The following PLSCR2 variants were observed in gnomAD, a reference collection of about 807,000 sequenced individuals.
The protein encoded by PLSCR2 is PL scramblase 2.
In PLSCR2, 18 loss-of-function variants were observed where a neutral mutation model predicts 25.3. The ratio of observed to expected loss-of-function variants is 0.71; its 90% CI spans 0.49 to 1.06. PLSCR2 has a LOEUF of 1.06. PLSCR2 is among the 50% of genes least tolerant of loss of function. The probability of loss-of-function intolerance (pLI) is 0.00; values close to 1 mark genes in which losing one functional copy is unlikely to be tolerated. For missense variants in PLSCR2, 243 were observed against 269.5 expected, an observed-to-expected ratio of 0.90 and a Z score of 0.69; for synonymous variants, 88 against 87.3, an observed-to-expected ratio of 1.01 and a Z score of -0.04.
rs184691570 is a variant in PLSCR2 at position 146,435,715 on chromosome 3, T to G, written c.*35-2198A>C. ...AGATTGTAAAAATTTTCTCCCATTT[T>G]GTAGGTTGCCTGTTCACTCTGATGG... On this transcript the variant is annotated intron_variant, in intron 8 of 8. Transcript: ENST00000336685. Among the ~76,000 whole-genome samples the G allele has an allele frequency of 5.3e-5, 8 of 152,352 alleles. No homozygotes were observed. The East Asian group carries it at 1.5e-3, about 29-fold the overall frequency.
At chr3:146,490,090 A>G (rs1318687107) in intron 1 of PLSCR2, among the ~76,000 whole-genome samples, 1 of 152,060 alleles carries the variant, frequency 6.6e-6, no homozygotes, top group Non-Finnish European at 1.5e-5. Flanking sequence ...TTTGAGAATG[A>G]TCCATCTGGG....
chr3:146,419,139 T>C (rs999451162), intron 2 of PLSCR2, among the ~76,000 whole-genome samples: 4 of 152,100 alleles, frequency 2.6e-5, no homozygotes, highest in Non-Finnish European at 5.9e-5. Flanking sequence ...ATCTCCCACA[T>C]TGTGCTATAA....
chr3:146,396,650 T>G (rs908835755), intron 2 of PLSCR2, among the ~76,000 whole-genome samples: 1 of 152,060 alleles, frequency 6.6e-6, no homozygotes, highest in Non-Finnish European at 1.5e-5. Context: ...CCAGAGAAAG[T>G]TAACATGTGA....
intron 2 of PLSCR2, among the ~76,000 whole-genome samples, chr3:146,426,203 T>TTCCTTCCCTCCCTCCTTCCCTCCC (rs368334941): frequency 1.3e-4 from 16 of 127,524 alleles, no homozygotes; most frequent in Middle Eastern, 3.6e-3. Flanking sequence ...CCTTCCCTCC[T>TTCCTTCCCTCCCTCCTTCCCTCCC]TCCTTCCCTC....
intron 2 of PLSCR2, among the ~76,000 whole-genome samples, chr3:146,405,402 T>G (rs974358754): frequency 6.6e-6 from 1 of 152,116 alleles, no homozygotes; most frequent in Admixed American, 6.5e-5. Flanking sequence ...TTGCACAAGT[T>G]AAGTCCTTGA....
intron 1 of PLSCR2, among the ~76,000 whole-genome samples, chr3:146,484,665 A>G (rs924041034): frequency 2.6e-5 from 4 of 152,110 alleles, no homozygotes; most frequent in Admixed American, 1.3e-4. Context: ...AATTTCCAAC[A>G]CAGAATTTTA....
At chr3:146,406,935 C>A (rs1368240789) in intron 2 of PLSCR2, among the ~76,000 whole-genome samples, 1 of 152,120 alleles carries the variant, frequency 6.6e-6, no homozygotes, top group Non-Finnish European at 1.5e-5. Flanking sequence ...GTTGGGGAGA[C>A]TGTAGGTACT....
chr3:146,442,525 A>C (rs866669718), intron 6 of PLSCR2, among the ~76,000 whole-genome samples: 1 of 152,114 alleles, frequency 6.6e-6, no homozygotes. Context: ...AAGAGAAACA[A>C]AGCTGGAGGC....
At chr3:146,483,460 T>C (rs2043214635) in intron 1 of PLSCR2, among the ~76,000 whole-genome samples, 2 of 58,692 alleles carry the variant, frequency 3.4e-5, no homozygotes, top group African/African-American at 1.6e-4. Flanking sequence ...TATGTATATA[T>C]ATATATATAT....
At chr3:146,391,480 G>T (rs1228987194) in exon 4 of PLSCR2, 1 of 152,504 alleles carries the variant, frequency 6.6e-6, no homozygotes, top group East Asian at 1.9e-4. Flanking sequence ...TTTTGTTGAG[G>T]GCTGGCAAAA....
intron 2 of PLSCR2, among the ~76,000 whole-genome samples, chr3:146,425,133 A>G (rs999387905): frequency 4.6e-5 from 7 of 152,130 alleles, no homozygotes; most frequent in African/African-American, 1.7e-4. Flanking sequence ...TAGTTAAGAT[A>G]GAAAAGACGT....
At chr3:146,451,482 G>T (rs2040895545) in intron 5 of PLSCR2, among the ~76,000 whole-genome samples, 1 of 151,952 alleles carries the variant, frequency 6.6e-6, no homozygotes, top group Non-Finnish European at 1.5e-5. Context: ...AGTGATAGGG[G>T]TAATAGGAGA....
At chr3:146,414,888 G>T (rs2038960669) in intron 2 of PLSCR2, among the ~76,000 whole-genome samples, 1 of 152,136 alleles carries the variant, frequency 6.6e-6, no homozygotes, top group Non-Finnish European at 1.5e-5. Context: ...ATACTAAAAG[G>T]GCAGACCAGA....
chr3:146,399,257 C>A (rs561471137), intron 2 of PLSCR2, among the ~76,000 whole-genome samples: 4 of 151,848 alleles, frequency 2.6e-5, no homozygotes, highest in Non-Finnish European at 4.4e-5. Flanking sequence ...AATTTTGCCC[C>A]AATTTTTATT....
chr3:146,419,602 A>G (rs2039084294), intron 2 of PLSCR2, among the ~76,000 whole-genome samples: 1 of 152,116 alleles, frequency 6.6e-6, no homozygotes, highest in African/African-American at 2.4e-5. Context: ...TCAAACTTGA[A>G]TCGGCAGGAC....
rs113111018 is a variant in PLSCR2 at position 146,451,699 on chromosome 3, C to T, written c.483+2303G>A. On this transcript the variant is annotated intron_variant, in intron 5 of 6. Coordinates refer to ENST00000610787, the Ensembl canonical transcript of PLSCR2. ...ATCATTCAGTCCTGTCCCCATCCTCCGGAGATGAGAGTAAGGCCAGAGTTT... is the reference window on the plus strand; with the variant it reads ...ATCATTCAGTCCTGTCCCCATCCTCTGGAGATGAGAGTAAGGCCAGAGTTT... Among the ~76,000 whole-genome samples, 47 of 152,268 alleles carry T rather than the reference C, an allele frequency of 3.1e-4. 2 individuals are homozygous for T. In the South Asian group the frequency reaches 9.1e-3, roughly 30 times the overall value.
upstream of PLSCR2, among the ~76,000 whole-genome samples, chr3:146,461,517 A>G (rs918413903): frequency 1.3e-5 from 2 of 152,214 alleles, no homozygotes; most frequent in Admixed American, 1.3e-4. Context: ...AAGACTTCAT[A>G]TTGGTATGAT....
At chr3:146,465,640 G>C (rs2041830118) in intron 1 of PLSCR2, among the ~76,000 whole-genome samples, 1 of 150,984 alleles carries the variant, frequency 6.6e-6, no homozygotes, top group South Asian at 2.1e-4. Flanking sequence ...AGAGACATAG[G>C]TTCTGAATTA....
At chr3:146,490,423 T>C (rs1459239226) in intron 1 of PLSCR2, among the ~76,000 whole-genome samples, 1 of 152,102 alleles carries the variant, frequency 6.6e-6, no homozygotes, top group Non-Finnish European at 1.5e-5. Context: ...GCCTCGTAGA[T>C]CTGTTTGACA....
Sources: gnomAD v4.1 joint callset for allele counts (sites outside exome capture counted in the v4.1 genomes callset) on GRCh38, gnomAD v4.1.1 for gene constraint, MANE v1.5 for transcripts, NCBI Gene and HGNC (gene_info 2026-07-23, HGNC 2026-07-21) for gene names.